The following NKAIN3 variants were observed in gnomAD, a reference collection of about 807,000 sequenced individuals.
The protein encoded by NKAIN3 is sodium/potassium-transporting ATPase subunit beta-1-interacting protein 3.
A neutral mutation model predicts 30.2 loss-of-function variants in NKAIN3; 25 were observed. That is an observed-to-expected ratio of 0.83 (90% CI 0.60 to 1.16). The LOEUF (loss-of-function observed/expected upper bound fraction) is 1.16, where lower values mean the gene tolerates loss of function less well. Among genes scored for constraint, NKAIN3 ranks in the 50% most tolerant of loss-of-function variants. NKAIN3 has a pLI of 0.00. For synonymous variants in NKAIN3, 91 were observed against 89.6 expected (o/e 1.02, Z -0.09); for missense variants, 225 against 254.1 (o/e 0.89, Z 0.78).
chr8:62,464,101 G>A (rs893655915), intron 1 of NKAIN3, among the ~76,000 whole-genome samples: 4 of 152,160 alleles, frequency 2.6e-5, no homozygotes, highest in Non-Finnish European at 5.9e-5. Flanking sequence ...TCTTTAGTTC[G>A]ACAAATGTAC....
At chr8:62,991,985 C>G (rs898851492) in intron 5 of NKAIN3, among the ~76,000 whole-genome samples, 1 of 150,274 alleles carries the variant, frequency 6.7e-6, no homozygotes, top group African/African-American at 2.5e-5. Context: ...GCACTGCTCC[C>G]CTCGCCACCC....
At position 62,378,325 on chromosome 8, in the gene NKAIN3, C is replaced by T. The variant is rs375510170; in HGVS notation, c.54+129198C>T. On this transcript the variant is annotated intron_variant, in intron 1 of 6. Transcript: ENST00000623646. ...AGATCATAAAAGTTTGAAAAATTTT[C>T]AGCCTGACAATGCAGTAGAAAAGAC... Among the ~76,000 whole-genome samples the T allele has an allele frequency of 2.8e-3, 431 of 152,312 alleles. 1 individual carries two copies. The highest frequency in any genetic ancestry group is 4.1e-3 in the Non-Finnish European group (277 of 68,024).
At chr8:62,748,280 C>A (rs1816153465) in intron 4 of NKAIN3, among the ~76,000 whole-genome samples, 1 of 152,106 alleles carries the variant, frequency 6.6e-6, no homozygotes, top group Admixed American at 6.5e-5. Context: ...AGAGGCCTCA[C>A]TCACATCTCT....
At chr8:62,453,148 TAA>T (rs1805704524) in intron 1 of NKAIN3, among the ~76,000 whole-genome samples, 1 of 152,210 alleles carries the variant, frequency 6.6e-6, no homozygotes, top group Non-Finnish European at 1.5e-5. Flanking sequence ...AAGATGTATA[TAA>T]ACCTTTAGTT....
chr8:62,366,442 G>T (rs1816744022), intron 1 of NKAIN3, among the ~76,000 whole-genome samples: 1 of 152,062 alleles, frequency 6.6e-6, no homozygotes, highest in Non-Finnish European at 1.5e-5. Context: ...GGCCGAGCTG[G>T]TCTCGAACTC....
intron 1 of NKAIN3, among the ~76,000 whole-genome samples, chr8:62,462,762 CTG>C (rs1455443159): frequency 6.6e-6 from 1 of 152,156 alleles, no homozygotes; most frequent in Non-Finnish European, 1.5e-5. Flanking sequence ...AGATGAAAAT[CTG>C]TGTTTCTGGT....
chr8:62,411,565 C>A (rs1347786629), intron 1 of NKAIN3, among the ~76,000 whole-genome samples: 1 of 152,086 alleles, frequency 6.6e-6, no homozygotes, highest in Non-Finnish European at 1.5e-5. Context: ...AGCAACCAGA[C>A]AAGAGAAAGA....
chr8:62,743,563 A>G (rs1815975230), intron 3 of NKAIN3, among the ~76,000 whole-genome samples: 1 of 152,224 alleles, frequency 6.6e-6, no homozygotes, highest in Non-Finnish European at 1.5e-5. Flanking sequence ...GATTTGATGT[A>G]GAATGCACAA....
intron 3 of NKAIN3, among the ~76,000 whole-genome samples, chr8:62,612,121 AT>A (rs1461097304): frequency 1.3e-5 from 2 of 151,878 alleles, no homozygotes; most frequent in African/African-American, 4.8e-5. Context: ...TATTTTGCCT[AT>A]TTTTTGATCA....
At chr8:62,644,146 G>T (rs927175427) in intron 3 of NKAIN3, among the ~76,000 whole-genome samples, 1 of 152,096 alleles carries the variant, frequency 6.6e-6, no homozygotes, top group African/African-American at 2.4e-5. Flanking sequence ...ATTGCTCCAT[G>T]TGGTTCTTTC....
intron 4 of NKAIN3, among the ~76,000 whole-genome samples, chr8:62,909,507 T>G (rs1037675248): frequency 6.6e-6 from 1 of 152,176 alleles, no homozygotes; most frequent in Admixed American, 6.5e-5. Flanking sequence ...CTGTGTTTGT[T>G]ATTGGCAAGA....
At chr8:62,438,641 A>G (rs1805238432) in intron 1 of NKAIN3, among the ~76,000 whole-genome samples, 1 of 152,224 alleles carries the variant, frequency 6.6e-6, no homozygotes, top group South Asian at 2.1e-4. Flanking sequence ...AGTTCACTGC[A>G]ACCTACACCT....
intron 1 of NKAIN3, among the ~76,000 whole-genome samples, chr8:62,463,072 C>CT (rs1180857726): frequency 1.3e-5 from 2 of 152,164 alleles, no homozygotes; most frequent in African/African-American, 2.4e-5. Context: ...TCTTTATGAA[C>CT]TTATTTGTTC....
At chr8:62,252,797 A>G (rs569946687) in intron 1 of NKAIN3, among the ~76,000 whole-genome samples, 14 of 152,316 alleles carry the variant, frequency 9.2e-5, no homozygotes, top group African/African-American at 3.1e-4. Flanking sequence ...AATACTGTAT[A>G]TACTTATCAT....
At chr8:62,412,373 G>A (rs1044328716) in intron 1 of NKAIN3, among the ~76,000 whole-genome samples, 2 of 151,288 alleles carry the variant, frequency 1.3e-5, no homozygotes, top group Non-Finnish European at 2.9e-5. Context: ...TAAGATAACC[G>A]GCTAGTTATA....
chr8:62,686,221 G>A (rs577373879), intron 3 of NKAIN3, among the ~76,000 whole-genome samples: 3 of 152,158 alleles, frequency 2.0e-5, no homozygotes, highest in African/African-American at 4.8e-5. Flanking sequence ...ATCTTGCATC[G>A]GTCTTTGTTC....
rs957870273 is a variant in NKAIN3, at chr8:62,661,716, C to T, written c.273+71922C>T. ...CATGTCTCATATAAGGGCTTGGGCTCGTGTCCCCTGCACTACCTCTTTGGT... is the reference window on the plus strand; with the variant it reads ...CATGTCTCATATAAGGGCTTGGGCTTGTGTCCCCTGCACTACCTCTTTGGT... On this transcript the variant is annotated intron_variant, in intron 3 of 6. Coordinates refer to ENST00000623646, the MANE Select transcript of NKAIN3 (RefSeq NM_001304533.3). Among the ~76,000 whole-genome samples the T allele has an allele frequency of 2.6e-5, 4 of 152,250 alleles. No homozygotes were observed. The South Asian group carries it at 6.2e-4, about 24-fold the overall frequency.
intron 4 of NKAIN3, among the ~76,000 whole-genome samples, chr8:62,824,550 T>TA (rs972229807): frequency 6.6e-6 from 1 of 151,342 alleles, no homozygotes; most frequent in Non-Finnish European, 1.5e-5. Flanking sequence ...GTGAGTGCTC[T>TA]AAAAATGATA....
In NKAIN3 at chr8:62,514,148, G is replaced by A. The variant is rs117671354; in HGVS notation, c.55-65391G>A. 1.6e-3 allele frequency among the ~76,000 whole-genome samples: 242 copies of A among 152,180 alleles called. 5 individuals carry two copies. In the East Asian group the frequency reaches 0.037, roughly 23 times the overall value. ...AATTCCCAGCTTACTCTCATTGTTT[G>A]AAAAAGCTCATTTTGCAACTAAAGG... On this transcript the variant is annotated intron_variant, in intron 1 of 6. Transcript: ENST00000623646.
Sources: gnomAD v4.1 joint callset for allele counts (sites outside exome capture counted in the v4.1 genomes callset) on GRCh38, gnomAD v4.1.1 for gene constraint, MANE v1.5 for transcripts, NCBI Gene and HGNC (gene_info 2026-07-23, HGNC 2026-07-21) for gene names.